CCDC85A: variants seen among roughly 807,000 people sequenced by gnomAD.
CCDC85A encodes coiled-coil domain containing 85A.
A neutral mutation model predicts 50.2 loss-of-function variants in CCDC85A; 38 were observed. The ratio of observed to expected loss-of-function variants is 0.76; its 90% CI spans 0.58 to 0.99. The LOEUF is 0.99. Ranked by LOEUF, CCDC85A falls within the 50% of genes least tolerant of loss-of-function variation. CCDC85A has a pLI of 0.00. For missense variants in CCDC85A, 820 were observed against 742.0 expected (o/e 1.11, Z -1.22); for synonymous variants, 366 against 301.4 (o/e 1.21, Z -2.22).
At chr2:56,341,454 T>C (rs1415766047) in intron 2 of CCDC85A, among the ~76,000 whole-genome samples, 2 of 152,224 alleles carry the variant, frequency 1.3e-5, no homozygotes, top group Non-Finnish European at 2.9e-5. Context: ...AGCTACCTAA[T>C]GTAACAGAAG....
At chr2:56,371,446 T>C (rs1388377441) in intron 3 of CCDC85A, among the ~76,000 whole-genome samples, 2 of 152,102 alleles carry the variant, frequency 1.3e-5, no homozygotes, top group South Asian at 4.1e-4. Context: ...TCTTCTAAAG[T>C]CAACCTCAAC....
intron 2 of CCDC85A, among the ~76,000 whole-genome samples, chr2:56,197,558 A>G (rs1445289020): frequency 6.6e-6 from 1 of 152,192 alleles, no homozygotes; most frequent in Non-Finnish European, 1.5e-5. Context: ...CTTTGCAAAA[A>G]GAGCTCTCAG....
At chr2:56,341,907 C>G (rs1304487357) in intron 2 of CCDC85A, among the ~76,000 whole-genome samples, 2 of 151,664 alleles carry the variant, frequency 1.3e-5, no homozygotes, top group African/African-American at 2.4e-5. Context: ...GTGAAAAGAA[C>G]AAATATTTTT....
At chr2:56,361,200 G>T (rs1675507029) in intron 3 of CCDC85A, among the ~76,000 whole-genome samples, 2 of 152,186 alleles carry the variant, frequency 1.3e-5, no homozygotes, top group South Asian at 4.1e-4. Flanking sequence ...CTTGCAGTGA[G>T]CGGAGATCGC....
At chr2:56,324,798 G>A (rs934607000) in intron 2 of CCDC85A, among the ~76,000 whole-genome samples, 1 of 151,958 alleles carries the variant, frequency 6.6e-6, no homozygotes. Context: ...TGTCCAAGAG[G>A]CATGTACCTT....
chr2:56,262,843 G>A (rs987348239), intron 2 of CCDC85A, among the ~76,000 whole-genome samples: 1 of 152,162 alleles, frequency 6.6e-6, no homozygotes, highest in Admixed American at 6.5e-5. Flanking sequence ...CAAGTATTCA[G>A]CCACATATAT....
intron 2 of CCDC85A, among the ~76,000 whole-genome samples, chr2:56,275,261 A>G (rs894009694): frequency 3.3e-5 from 5 of 152,212 alleles, no homozygotes; most frequent in African/African-American, 1.2e-4. Context: ...ACATGGCAGC[A>G]TGAATACAGC....
Position 56,256,463 on chromosome 2 carries a change from G to T in CCDC85A, c.1240+63023G>T, listed in dbSNP as rs573871053. On this transcript the variant is annotated intron_variant, in intron 2 of 5. Coordinates refer to ENST00000407595, the MANE Select transcript of CCDC85A (RefSeq NM_001080433.2). ...AGTGTTATCATTTTAAAACCTGTCA[G>T]TCTAGCTGTGAATTACCTAAAGAAA... 5.3e-5 allele frequency among the ~76,000 whole-genome samples: 8 copies of T among 152,314 alleles called. 1 individual carries two copies. The highest frequency in any genetic ancestry group is 1.9e-4 in the African/African-American group (8 of 41,584).
At chr2:56,306,712 T>C (rs1004019862) in intron 2 of CCDC85A, among the ~76,000 whole-genome samples, 12 of 152,180 alleles carry the variant, frequency 7.9e-5, no homozygotes, top group Admixed American at 7.9e-4. Context: ...AAATTTCAAG[T>C]AATTTTTCTA....
At chr2:56,251,060 A>T (rs1299713055) in intron 2 of CCDC85A, among the ~76,000 whole-genome samples, 1 of 151,954 alleles carries the variant, frequency 6.6e-6, no homozygotes, top group African/African-American at 2.4e-5. Context: ...ACACTTTATT[A>T]CCTAGTGTTG....
intron 3 of CCDC85A, among the ~76,000 whole-genome samples, chr2:56,363,575 C>G (rs1403250397): frequency 2.0e-5 from 3 of 152,168 alleles, no homozygotes; most frequent in African/African-American, 4.8e-5. Context: ...GCTTCATATA[C>G]TAGAAGATTC....
chr2:56,313,548 T>G lies in CCDC85A; in HGVS notation c.1241-29331T>G, dbSNP rs1672788740. The stretch of plus-strand genomic sequence containing the variant: ...CAGGCTCTTGCTTTAAGCCATGTCA[T>G]TGCACAGCAGACCATGGTGCAACAA... On this transcript the variant is annotated intron_variant, in intron 2 of 5. Coordinates refer to ENST00000407595, the MANE Select transcript of CCDC85A (RefSeq NM_001080433.2). Among the ~76,000 whole-genome samples, 3 of 152,162 alleles carry G rather than the reference T, an allele frequency of 2.0e-5. No individual in the cohort carries two copies. The South Asian group carries it at 6.2e-4, about 32-fold the overall frequency.
At chr2:56,381,827 G>A (rs187009198) in intron 5 of CCDC85A, among the ~76,000 whole-genome samples, 66 of 152,098 alleles carry the variant, frequency 4.3e-4, no homozygotes, top group African/African-American at 1.5e-3. Context: ...CCCATTACTG[G>A]ATTGGATTTT....
intron 2 of CCDC85A, among the ~76,000 whole-genome samples, chr2:56,294,691 TA>T (rs2104161922): frequency 6.6e-6 from 1 of 152,336 alleles, no homozygotes; most frequent in Admixed American, 6.5e-5. Context: ...ACACTTTGCC[TA>T]AACAGCATCA....
chr2:56,246,378 T>C (rs1428951011), intron 2 of CCDC85A, among the ~76,000 whole-genome samples: 1 of 152,226 alleles, frequency 6.6e-6, no homozygotes, highest in Non-Finnish European at 1.5e-5. Flanking sequence ...AAAACATTTT[T>C]TGGTGAAATC....
At chr2:56,332,633 G>C (rs1018664761) in intron 2 of CCDC85A, among the ~76,000 whole-genome samples, 11 of 151,810 alleles carry the variant, frequency 7.2e-5, no homozygotes, top group African/African-American at 2.7e-4. Flanking sequence ...GTCTCTCACT[G>C]TCTGTCTCTG....
chr2:56,384,599 C>G lies in CCDC85A; in HGVS notation c.*244C>G, dbSNP rs1676747337. The stretch of plus-strand genomic sequence containing the variant: ...ACAAGGTAGCTTTGAACATCTCAAA[C>G]AGAGTAGCTTTGAAAATCAACATTT... On this transcript the variant is annotated 3_prime_UTR_variant, in exon 6 of 6. Transcript: ENST00000407595. 5.0e-6 allele frequency: 2 copies of G among 403,606 alleles called. No homozygotes were observed. Among genetic ancestry groups the G allele is most frequent in the Admixed American group, 3.7e-5 (1 of 27,348 alleles). The allele number at this position is 403,606 out of a possible 1,614,324, so 25.0% of individuals were successfully genotyped here.
chr2:56,275,349 T>C (rs1670881614), intron 2 of CCDC85A, among the ~76,000 whole-genome samples: 2 of 152,230 alleles, frequency 1.3e-5, no homozygotes, highest in African/African-American at 4.8e-5. Flanking sequence ...CCTCTCTTGG[T>C]AAATGGAGTA....
At chr2:56,300,424 A>G (rs1286956416) in intron 2 of CCDC85A, among the ~76,000 whole-genome samples, 1 of 152,214 alleles carries the variant, frequency 6.6e-6, no homozygotes, top group Non-Finnish European at 1.5e-5. Flanking sequence ...TGACTTAGAT[A>G]TGTTGGTGAG....
Sources: gnomAD v4.1 joint callset for allele counts (sites outside exome capture counted in the v4.1 genomes callset) on GRCh38, gnomAD v4.1.1 for gene constraint, MANE v1.5 for transcripts, NCBI Gene and HGNC (gene_info 2026-07-23, HGNC 2026-07-21) for gene names.